Variants in KAT14 observed in about 807,000 individuals in gnomAD.
KAT14 encodes the protein cysteine-rich protein 2-binding protein.
Under a neutral mutation model 78.4 loss-of-function variants are expected in KAT14, and 66 were observed. The observed-to-expected ratio is 0.84, with a 90% CI of 0.69 to 1.03. The LOEUF (loss-of-function observed/expected upper bound fraction) is 1.03. Ranked by LOEUF, KAT14 falls within the 50% of genes least tolerant of loss-of-function variation. KAT14 has a pLI of 0.00. For synonymous variants in KAT14, 344 were observed against 359.4 expected, an observed-to-expected ratio of 0.96 and a Z score of 0.48; for missense variants, 870 against 972.5, an observed-to-expected ratio of 0.89 and a Z score of 1.40.
chr20:18,179,878 T>G (rs1192621009), intron 7 of KAT14, among the ~76,000 whole-genome samples: 3 of 147,530 alleles, frequency 2.0e-5, no homozygotes, highest in South Asian at 2.1e-4. Flanking sequence ...TTGTTTTTTG[T>G]TTTTTTTTGA....
chr20:18,152,019 A>G (rs1368611684), intron 4 of KAT14, among the ~76,000 whole-genome samples: 1 of 151,208 alleles, frequency 6.6e-6, no homozygotes, highest in Non-Finnish European at 1.5e-5. Flanking sequence ...AAAAAAAAAA[A>G]GATGTTTGTT....
chr20:18,153,337 A>G (rs1256350538), intron 4 of KAT14, among the ~76,000 whole-genome samples: 1 of 152,220 alleles, frequency 6.6e-6, no homozygotes, highest in East Asian at 1.9e-4. Flanking sequence ...GTGCTAAGAA[A>G]AGAATCGACA....
Position 18,155,177 on chromosome 20 carries a change from C to T in KAT14, c.501-3907C>T, listed in dbSNP as rs543530879. Among the ~76,000 whole-genome samples the T allele has an allele frequency of 1.1e-4, 16 of 152,266 alleles. No individual in the cohort carries two copies. The East Asian group carries it at 2.9e-3, about 28-fold the overall frequency. On this transcript the variant is annotated intron_variant, in intron 4 of 10. Transcript: ENST00000688188. Reference sequence around the variant, plus strand: ...GAGATTATAGGCGTGAACCACTGCACCTGGCCAGGACATACTTTAAATTCT... The same window carrying T: ...GAGATTATAGGCGTGAACCACTGCATCTGGCCAGGACATACTTTAAATTCT...
chr20:18,183,965 A>C (rs1057141968), intron 9 of KAT14, among the ~76,000 whole-genome samples: 2 of 152,202 alleles, frequency 1.3e-5, no homozygotes, highest in African/African-American at 4.8e-5. Flanking sequence ...TGTCGTCTTT[A>C]TTGTCACATA....
intron 1 of KAT14, among the ~76,000 whole-genome samples, chr20:18,141,767 T>C (rs1448003406): frequency 6.6e-6 from 1 of 152,038 alleles, no homozygotes; most frequent in African/African-American, 2.4e-5. Flanking sequence ...GCCTGTAGTC[T>C]CAGCTACTCG....
intron 7 of KAT14, among the ~76,000 whole-genome samples, chr20:18,170,634 A>G (rs945647016): frequency 6.6e-6 from 1 of 152,188 alleles, no homozygotes; most frequent in African/African-American, 2.4e-5. Flanking sequence ...TCCCAGGTTC[A>G]TGCCATTCTC....
intron 3 of KAT14, among the ~76,000 whole-genome samples, chr20:18,146,608 G>A (rs1158796629): frequency 1.3e-5 from 2 of 152,142 alleles, no homozygotes; most frequent in African/African-American, 2.4e-5. Flanking sequence ...GCAGTGAGCC[G>A]AGATCGCGCC....
At chr20:18,173,982 C>A (rs994713848) in intron 7 of KAT14, among the ~76,000 whole-genome samples, 1 of 152,112 alleles carries the variant, frequency 6.6e-6, no homozygotes. Flanking sequence ...CTGTTACTAC[C>A]CAAAACTCCC....
chr20:18,143,180 CTTAAAGAA>C (rs1054619092), intron 2 of KAT14: 6 of 1,201,200 alleles, frequency 5.0e-6, no homozygotes, highest in Non-Finnish European at 6.2e-6. Context: ...TCCTGTGTTA[CTTAAAGAA>C]TTAGCCATAT....
intron 1 of KAT14, among the ~76,000 whole-genome samples, chr20:18,141,480 C>G (rs1296366020): frequency 6.6e-6 from 1 of 152,000 alleles, no homozygotes; most frequent in African/African-American, 2.4e-5. Flanking sequence ...TGCATTTTTT[C>G]TGTTGGTGTT....
intron 7 of KAT14, among the ~76,000 whole-genome samples, chr20:18,166,398 A>G (rs2038642761): frequency 6.6e-6 from 1 of 152,198 alleles, no homozygotes. Context: ...AACATTTCCA[A>G]ATAAGGAAGG....
chr20:18,151,276 A>G (rs2038027920), intron 4 of KAT14, among the ~76,000 whole-genome samples: 1 of 152,112 alleles, frequency 6.6e-6, no homozygotes, highest in East Asian at 1.9e-4. Context: ...GGCACACTGC[A>G]ACCGCCACCT....
In KAT14 at chr20:18,181,845, A is replaced by G. The variant is rs1334353444; in HGVS notation, c.1804A>G (p.Arg602Gly). 1.9e-6 allele frequency: 3 copies of G among 1,613,882 alleles called. No individual in the cohort carries two copies. The highest frequency in any genetic ancestry group is 1.7e-4 in the Middle Eastern group (1 of 6,050). The change falls in exon 8 of 11, where the codon AGG becomes GGG. Residue 602 changes from arginine (R) to glycine (G), a missense_variant and splice_region_variant. By Grantham distance (125) the Arg-to-Gly change is moderately radical. Coordinates refer to ENST00000688188, the MANE Select transcript of KAT14 (RefSeq NM_001392073.1). ...CTCTCGGATCTTGAAACCTTATATCAGGTATATGGAGAACTAGAGGTGTGA... is the reference window on the plus strand; with the variant it reads ...CTCTCGGATCTTGAAACCTTATATCGGGTATATGGAGAACTAGAGGTGTGA... ...YTSRILKPYI[R>G]RDYETKPPKL...
chr20:18,141,846 A>G (rs1379655613), intron 1 of KAT14, among the ~76,000 whole-genome samples: 3 of 152,202 alleles, frequency 2.0e-5, no homozygotes, highest in Non-Finnish European at 2.9e-5. Context: ...GAGTGCAGCC[A>G]CTGCACTCCA....
chr20:18,186,506 T>A (rs2039458337), intron 10 of KAT14, among the ~76,000 whole-genome samples: 1 of 152,222 alleles, frequency 6.6e-6, no homozygotes, highest in Non-Finnish European at 1.5e-5. Flanking sequence ...CTTAGAGGCC[T>A]GAGAGAACCA....
chr20:18,138,636 A>AAATG (rs1288902595), intron 1 of KAT14: 3 of 202,362 alleles, frequency 1.5e-5, no homozygotes, highest in Non-Finnish European at 2.6e-5. Flanking sequence ...CTTCTCGTTT[A>AAATG]AATGAACAGT....
intron 1 of KAT14, among the ~76,000 whole-genome samples, chr20:18,139,021 T>C (rs1229398222): frequency 6.6e-6 from 1 of 152,182 alleles, no homozygotes; most frequent in Non-Finnish European, 1.5e-5. Context: ...GAGTAAACAG[T>C]CTTTTCTTGA....
chr20:18,155,282 C>A (rs2038185716), intron 4 of KAT14, among the ~76,000 whole-genome samples: 1 of 152,186 alleles, frequency 6.6e-6, no homozygotes, highest in African/African-American at 2.4e-5. Flanking sequence ...AATTTTCTTT[C>A]AGATGTTTAC....
At chr20:18,164,719 C>G (rs1418583174) in intron 7 of KAT14, among the ~76,000 whole-genome samples, 1 of 151,386 alleles carries the variant, frequency 6.6e-6, no homozygotes. Context: ...CAGGCTCAAG[C>G]AATTCTCCCA....
Sources: allele counts gnomAD v4.1 joint callset (sites outside exome capture counted in the v4.1 genomes callset), GRCh38; gene constraint gnomAD v4.1.1; transcripts MANE v1.5; gene names NCBI Gene and HGNC (gene_info 2026-07-23, HGNC 2026-07-21).